The following FARS2 variants were observed in gnomAD, a reference collection of about 807,000 sequenced individuals.
The protein encoded by FARS2 is phenylalanine--tRNA ligase, mitochondrial.
A neutral mutation model predicts 46.4 loss-of-function variants in FARS2; 40 were observed. The ratio of observed to expected loss-of-function variants is 0.86; its 90% CI spans 0.67 to 1.12. FARS2 has a LOEUF of 1.12. Among genes scored for constraint, FARS2 ranks in the 50% most tolerant of loss-of-function variants. The pLI is 0.00. For missense variants in FARS2, 513 were observed against 567.9 expected (o/e 0.90, Z 0.98); for synonymous variants, 234 against 214.9 (o/e 1.09, Z -0.78).
chr6:5,626,062 G>A (rs1446185043), intron 6 of FARS2, among the ~76,000 whole-genome samples: 1 of 152,164 alleles, frequency 6.6e-6, no homozygotes, highest in Non-Finnish European at 1.5e-5. Context: ...TATCATGATT[G>A]GAATTTAATT....
At chr6:5,348,676 C>T (rs808812) in intron 1 of FARS2, among the ~76,000 whole-genome samples, 20,535 of 150,692 alleles carry the variant, frequency 0.14, 1,979 homozygotes, top group African/African-American at 0.27. Flanking sequence ...CTTGTCTTTA[C>T]GGTATTTGGA....
At position 5,558,345 on chromosome 6, in the gene FARS2, G is replaced by T. The variant is rs1210606269; in HGVS notation, c.1065+13005G>T. Among the ~76,000 whole-genome samples the T allele has an allele frequency of 5.3e-5, 8 of 152,136 alleles. No individual in the cohort carries two copies. In the East Asian group the frequency reaches 1.5e-3, roughly 29 times the overall value. On this transcript the variant is annotated intron_variant, in intron 5 of 6. Coordinates refer to ENST00000274680, the MANE Select transcript of FARS2 (RefSeq NM_006567.5). ...TACTTTGTAGGTAGAGTGTCACATG[G>T]CTTTTCAAACTTCATGCGTTTATAC...
At chr6:5,363,116 T>C (rs750395447) in intron 1 of FARS2, among the ~76,000 whole-genome samples, 1 of 151,824 alleles carries the variant, frequency 6.6e-6, no homozygotes, top group Non-Finnish European at 1.5e-5. Flanking sequence ...TTAGTAGAGA[T>C]GGGGTTTCAC....
chr6:5,755,830 A>C (rs762163812), intron 6 of FARS2, among the ~76,000 whole-genome samples: 10 of 152,316 alleles, frequency 6.6e-5, no homozygotes, highest in Non-Finnish European at 1.5e-4. Flanking sequence ...TCCCAAGACC[A>C]GTTTTATGGT....
At chr6:5,436,322 G>A (rs1763519543) in intron 4 of FARS2, among the ~76,000 whole-genome samples, 1 of 152,136 alleles carries the variant, frequency 6.6e-6, no homozygotes, top group Admixed American at 6.5e-5. Context: ...CCCTGTCTCT[G>A]GTAGTTGATC....
chr6:5,651,873 G>A (rs945046646), intron 6 of FARS2, among the ~76,000 whole-genome samples: 4 of 152,108 alleles, frequency 2.6e-5, no homozygotes, highest in African/African-American at 9.7e-5. Flanking sequence ...TTGAACCCAG[G>A]CTGTCCACAC....
At chr6:5,539,816 C>T (rs1283567111) in intron 4 of FARS2, among the ~76,000 whole-genome samples, 1 of 152,154 alleles carries the variant, frequency 6.6e-6, no homozygotes, top group African/African-American at 2.4e-5. Context: ...ATCAGCATTA[C>T]TCCCAGTGTG....
At chr6:5,644,131 C>T (rs561382248) in intron 6 of FARS2, among the ~76,000 whole-genome samples, 5 of 152,308 alleles carry the variant, frequency 3.3e-5, no homozygotes, top group Non-Finnish European at 7.4e-5. Context: ...AGCACCATCA[C>T]CACCTAGCCA....
Position 5,609,267 on chromosome 6 carries a change from G to A in FARS2, c.1066-3902G>A, listed in dbSNP as rs142820835. The A allele has an allele frequency of 3.0e-3, 3,265 of 1,090,388 alleles. 50 individuals are homozygous for A. The African/African-American group carries it at 0.038, about 13-fold the overall frequency. The allele number at this position is 1,090,388 out of a possible 1,614,324, so 67.5% of individuals were successfully genotyped here. A position where few individuals can be genotyped will look rare whatever the true frequency, so the allele number is the denominator to read the frequency against. On this transcript the variant is annotated intron_variant, in intron 5 of 6. Transcript: ENST00000274680. ...ACTGCCTTAGCTACTGCTGCTACTG[G>A]AACTGCCCTAGCCACCTTGGTTTCA...
At chr6:5,276,130 G>A (rs1268126727) in intron 1 of FARS2, among the ~76,000 whole-genome samples, 1 of 152,176 alleles carries the variant, frequency 6.6e-6, no homozygotes, top group Non-Finnish European at 1.5e-5. Flanking sequence ...ACAAGTTATT[G>A]ACTTAGAATG....
At chr6:5,754,997 A>G (rs376534578) in intron 6 of FARS2, among the ~76,000 whole-genome samples, 5 of 151,748 alleles carry the variant, frequency 3.3e-5, no homozygotes, top group African/African-American at 1.2e-4. Flanking sequence ...TTCTCTCTAC[A>G]TTTTTCTGAT....
At chr6:5,546,406 A>G (rs1771001591) in intron 5 of FARS2, among the ~76,000 whole-genome samples, 1 of 151,110 alleles carries the variant, frequency 6.6e-6, no homozygotes, top group African/African-American at 2.4e-5. Flanking sequence ...GCCCACCACT[A>G]CGCCCAGCTA....
At chr6:5,536,817 G>C (rs185759796) in intron 4 of FARS2, among the ~76,000 whole-genome samples, 1 of 152,290 alleles carries the variant, frequency 6.6e-6, no homozygotes, top group East Asian at 1.9e-4. Flanking sequence ...CACTGTAGAA[G>C]CTTCTTTGAA....
At chr6:5,573,867 A>G (rs927506053) in intron 5 of FARS2, among the ~76,000 whole-genome samples, 10 of 152,206 alleles carry the variant, frequency 6.6e-5, no homozygotes, top group African/African-American at 2.4e-4. Flanking sequence ...TCTGGGTCCT[A>G]TCAGTATTCA....
At chr6:5,592,452 TTGAC>T (rs1478110030) in intron 5 of FARS2, among the ~76,000 whole-genome samples, 2 of 151,606 alleles carry the variant, frequency 1.3e-5, no homozygotes, top group African/African-American at 4.8e-5. Context: ...CATATTTACT[TTGAC>T]TGGTTCAAAT....
At chr6:5,458,996 A>G (rs1463091657) in intron 4 of FARS2, among the ~76,000 whole-genome samples, 1 of 152,232 alleles carries the variant, frequency 6.6e-6, no homozygotes, top group Non-Finnish European at 1.5e-5. Context: ...AAATTAAAGC[A>G]TGAAATATAT....
intron 1 of FARS2, among the ~76,000 whole-genome samples, chr6:5,344,001 G>T (rs1467631887): frequency 6.6e-6 from 1 of 152,234 alleles, no homozygotes; most frequent in Non-Finnish European, 1.5e-5. Context: ...CGGCGTGACA[G>T]CTGTGCCTTC....
intron 6 of FARS2, among the ~76,000 whole-genome samples, chr6:5,653,113 T>C (rs1777447777): frequency 6.6e-6 from 1 of 152,232 alleles, no homozygotes; most frequent in Non-Finnish European, 1.5e-5. Flanking sequence ...GTAAATCTAA[T>C]CATAAATATA....
Position 5,468,353 on chromosome 6 carries a change from T to TA in FARS2, c.904+37195dup, listed in dbSNP as rs531163302. Among the ~76,000 whole-genome samples the TA allele has an allele frequency of 3.9e-3, 405 of 103,252 alleles. 1 individual carries two copies. Among genetic ancestry groups the TA allele is most frequent in the African/African-American group, 0.012 (315 of 26,868 alleles). 67.7% of individuals were successfully genotyped at this position (103,252 alleles called of 152,430 possible). A position where few individuals can be genotyped will look rare whatever the true frequency, so the allele number is the denominator to read the frequency against. On this transcript the variant is annotated intron_variant, in intron 4 of 6. Transcript: ENST00000274680. ...TATTTTTTCCCTTGGCTGGTAAAAGTAAAAAAAAAAAAAAGAAAGAAAAAA... is the reference window on the plus strand; with the variant it reads ...TATTTTTTCCCTTGGCTGGTAAAAGTAAAAAAAAAAAAAAAGAAAGAAAAAA...
Sources: allele counts gnomAD v4.1 joint callset (sites outside exome capture counted in the v4.1 genomes callset), GRCh38; gene constraint gnomAD v4.1.1; transcripts MANE v1.5; gene names NCBI Gene and HGNC (gene_info 2026-07-23, HGNC 2026-07-21).